ALK: variants seen among roughly 807,000 people sequenced by gnomAD.
ALK encodes the protein ALK tyrosine kinase receptor.
A neutral mutation model predicts 163.1 loss-of-function variants in ALK; 74 were observed. The observed-to-expected ratio is 0.45, with a 90% CI of 0.38 to 0.55. ALK has a LOEUF of 0.55. ALK is among the 20% of genes least tolerant of loss of function. ALK has a pLI of 0.00. For synonymous variants in ALK, 960 were observed against 843.2 expected (o/e 1.14, Z -2.40); for missense variants, 2,063 against 2,105.3 (o/e 0.98, Z 0.39).
chr2:29,445,667 A>C (rs990033806), intron 4 of ALK, among the ~76,000 whole-genome samples: 12 of 152,162 alleles, frequency 7.9e-5, no homozygotes, highest in Admixed American at 1.3e-4. Context: ...CTAAAAATAC[A>C]AAAAATTAGC....
chr2:29,772,703 A>G (rs886735490), intron 1 of ALK, among the ~76,000 whole-genome samples: 20 of 152,236 alleles, frequency 1.3e-4, no homozygotes, highest in Admixed American at 4.6e-4. Context: ...TAAGGGGTAG[A>G]GGACTACTGT....
chr2:29,630,320 A>G (rs1475169108), intron 3 of ALK, among the ~76,000 whole-genome samples: 1 of 152,200 alleles, frequency 6.6e-6, no homozygotes, highest in Non-Finnish European at 1.5e-5. Flanking sequence ...CTAAAAGGTG[A>G]CTTTAGTGAT....
At chr2:29,831,032 AGGAGGAGGAGG>A (rs1558508506) in intron 1 of ALK, among the ~76,000 whole-genome samples, 1 of 58,146 alleles carries the variant, frequency 1.7e-5, no homozygotes, top group African/African-American at 5.9e-5. Context: ...AAGGGGAAGG[AGGAGGAGGAGG>A]AGAAGGAGAA....
chr2:29,643,967 T>C (rs1257479633), intron 3 of ALK, among the ~76,000 whole-genome samples: 1 of 152,098 alleles, frequency 6.6e-6, no homozygotes, highest in African/African-American at 2.4e-5. Flanking sequence ...ATTGTGGCAC[T>C]ATTCACAACA....
intron 5 of ALK, among the ~76,000 whole-genome samples, chr2:29,366,497 C>A (rs1412032856): frequency 6.6e-6 from 1 of 152,016 alleles, no homozygotes; most frequent in Non-Finnish European, 1.5e-5. Flanking sequence ...CTGAGAGGGG[C>A]CCAGAGGTGG....
At chr2:29,596,926 C>T (rs531600434) in intron 3 of ALK, among the ~76,000 whole-genome samples, 43 of 152,314 alleles carry the variant, frequency 2.8e-4, no homozygotes, top group African/African-American at 8.4e-4. Context: ...CATCATTGCC[C>T]TTTGTGGAGG....
At chr2:29,788,750 T>G (rs1395875011) in intron 1 of ALK, among the ~76,000 whole-genome samples, 1 of 152,110 alleles carries the variant, frequency 6.6e-6, no homozygotes, top group Non-Finnish European at 1.5e-5. Flanking sequence ...GACTTCAGCT[T>G]TACAACCTGG....
chr2:29,195,120 T>C (rs997339763), intron 28 of ALK, among the ~76,000 whole-genome samples: 3 of 152,246 alleles, frequency 2.0e-5, no homozygotes, highest in African/African-American at 4.8e-5. Flanking sequence ...CTCTGTGTTT[T>C]AGTAATTTCT....
intron 1 of ALK, among the ~76,000 whole-genome samples, chr2:29,901,778 C>A (rs530473951): frequency 6.6e-6 from 1 of 152,156 alleles, no homozygotes; most frequent in African/African-American, 2.4e-5. Context: ...TCAGGAAGAT[C>A]GCCGTATCTT....
intron 4 of ALK, among the ~76,000 whole-genome samples, chr2:29,476,575 T>C (rs1277237282): frequency 1.3e-5 from 2 of 151,810 alleles, no homozygotes; most frequent in South Asian, 2.1e-4. Flanking sequence ...AGGGTGTCGG[T>C]GGTAGAAGCA....
intron 3 of ALK, among the ~76,000 whole-genome samples, chr2:29,626,575 T>C (rs79973642): frequency 0.049 from 7,420 of 152,222 alleles, 593 homozygotes; most frequent in African/African-American, 0.17. Flanking sequence ...AGCATGAGAA[T>C]AGACTAAAAC....
At chr2:29,872,139 G>A (rs1480211016) in intron 1 of ALK, among the ~76,000 whole-genome samples, 1 of 152,222 alleles carries the variant, frequency 6.6e-6, no homozygotes, top group Admixed American at 6.5e-5. Context: ...TCAGAGAGGA[G>A]ACCCCAGAAT....
intron 1 of ALK, among the ~76,000 whole-genome samples, chr2:29,888,622 T>C (rs967691464): frequency 1.3e-5 from 2 of 152,174 alleles, no homozygotes; most frequent in African/African-American, 2.4e-5. Flanking sequence ...AAAGGAATTG[T>C]TAATATTTCT....
intron 11 of ALK, among the ~76,000 whole-genome samples, chr2:29,259,584 T>G (rs769197810): frequency 3.3e-5 from 5 of 152,202 alleles, no homozygotes; most frequent in Non-Finnish European, 7.4e-5. Context: ...TTTCTTGTTA[T>G]ATAAAGTGTT....
intron 4 of ALK, among the ~76,000 whole-genome samples, chr2:29,407,381 C>T (rs1669611378): frequency 6.6e-6 from 1 of 152,226 alleles, no homozygotes; most frequent in Non-Finnish European, 1.5e-5. Flanking sequence ...TTGTGTTAAG[C>T]ACTTCTAAGC....
chr2:29,617,944 C>G (rs1247675959), intron 3 of ALK, among the ~76,000 whole-genome samples: 1 of 152,212 alleles, frequency 6.6e-6, no homozygotes, highest in Middle Eastern at 3.2e-3. Context: ...GATGACTCTT[C>G]TAGCACCACC....
intron 3 of ALK, among the ~76,000 whole-genome samples, chr2:29,606,887 G>A (rs1419035414): frequency 6.6e-6 from 1 of 152,166 alleles, no homozygotes; most frequent in Non-Finnish European, 1.5e-5. Context: ...CCCAAATGTG[G>A]TGGGAAAAAT....
intron 1 of ALK, among the ~76,000 whole-genome samples, chr2:29,756,702 T>C (rs1680543097): frequency 6.6e-6 from 1 of 152,134 alleles, no homozygotes; most frequent in South Asian, 2.1e-4. Flanking sequence ...AATTATTGTA[T>C]TTTTAGTAGA....
At chr2:29,291,146 T>C (rs1259809702) in intron 9 of ALK, among the ~76,000 whole-genome samples, 1 of 152,110 alleles carries the variant, frequency 6.6e-6, no homozygotes, top group Non-Finnish European at 1.5e-5. Flanking sequence ...GAGGATCACT[T>C]GAGGCCAGGA....
Sources: gnomAD v4.1 joint callset for allele counts (sites outside exome capture counted in the v4.1 genomes callset) on GRCh38, gnomAD v4.1.1 for gene constraint, MANE v1.5 for transcripts, NCBI Gene and HGNC (gene_info 2026-07-23, HGNC 2026-07-21) for gene names.